The following PPIL4 variants were observed in gnomAD, a reference collection of about 807,000 sequenced individuals.
PPIL4 encodes the protein peptidylprolyl isomerase like 4, also known as peptidyl-prolyl cis-trans isomerase-like 4.
Under a neutral mutation model 69.1 loss-of-function variants are expected in PPIL4, and 50 were observed. That is an observed-to-expected ratio of 0.72 (90% CI 0.58 to 0.92). The LOEUF is 0.92. Ranked by LOEUF, PPIL4 falls within the 40% of genes least tolerant of loss-of-function variation. The pLI, the probability that PPIL4 is intolerant of heterozygous loss-of-function variation, is 0.00. For synonymous variants in PPIL4, 193 were observed against 191.6 expected (o/e 1.01, Z -0.06); for missense variants, 480 against 587.9 (o/e 0.82, Z 1.90).
chr6:149,526,906 G>A (rs1012685078), intron 7 of PPIL4, 130 bp from the exon 8 acceptor site: 2 of 889,212 alleles, frequency 2.2e-6, no homozygotes, highest in Non-Finnish European at 3.5e-6. Context: ...CTCTGGAAAA[G>A]AAATCCAAAT....
chr6:149,534,588 G>T, intron 6 of PPIL4, 90 bp downstream of exon 6: 1 of 686,834 alleles, frequency 1.5e-6, no homozygotes, highest in South Asian at 2.1e-5. Flanking sequence ...ATAATAATTC[G>T]GAAAAAATTA....
intron 1 of PPIL4, among the ~76,000 whole-genome samples, chr6:149,544,642 G>C (rs966307511): frequency 1.3e-5 from 2 of 152,210 alleles, no homozygotes; most frequent in African/African-American, 4.8e-5. Flanking sequence ...AGGAGGGAGA[G>C]CTTCAAAGAA....
chr6:149,517,226 CACAA>C, intron 11 of PPIL4, 124 bp downstream of exon 11: 1 of 626,980 alleles, frequency 1.6e-6, no homozygotes. Context: ...GTTACTTCCT[CACAA>C]ACAATCTGGA....
At chr6:149,510,980 G>A (rs1776833165) in intron 12 of PPIL4, among the ~76,000 whole-genome samples, 1 of 152,066 alleles carries the variant, frequency 6.6e-6, no homozygotes, top group Admixed American at 6.5e-5. Context: ...TGAAACTGTG[G>A]CTCAGAAAGT....
intron 6 of PPIL4, 29 bp downstream of exon 6, chr6:149,534,649 A>T: frequency 1.9e-6 from 2 of 1,075,874 alleles, no homozygotes; most frequent in African/African-American, 1.6e-5. Flanking sequence ...ATATGAATGT[A>T]CATTTAATCA....
At position 149,521,152 on chromosome 6, in the gene PPIL4, G is replaced by T; in HGVS notation, c.890C>A (p.Ala297Glu). Reference sequence around the variant, plus strand: ...AAGCACATTGTCCATTTTGAAGAATGCTTTCTCACAATCTTCTTCCTGATA... The same window carrying T: ...AAGCACATTGTCCATTTTGAAGAATTCTTTCTCACAATCTTCTTCCTGATA... ...EFEKEEDCEKAFFKMDNVLID... is the reference protein window; with the variant it reads ...EFEKEEDCEKEFFKMDNVLID... Residue 297 changes from alanine (A) to glutamate (E), a missense_variant, in exon 10 of 13, where the codon GCA (alanine) becomes GAA (glutamate). By Grantham distance (107) the Ala-to-Glu change is moderately radical. Coordinates refer to ENST00000253329, the MANE Select transcript of PPIL4 (RefSeq NM_139126.4). 1 of 1,579,830 alleles carries T rather than the reference G, an allele frequency of 6.3e-7. No individual in the cohort carries two copies.
intron 4 of PPIL4, among the ~76,000 whole-genome samples, chr6:149,538,751 T>C (rs957509971): frequency 6.6e-6 from 1 of 152,064 alleles, no homozygotes; most frequent in Non-Finnish European, 1.5e-5. Flanking sequence ...GAATTAGAAG[T>C]AGAGCCTGAA....
intron 1 of PPIL4, 75 bp downstream of exon 1, chr6:149,545,861 G>C (rs1777432528): frequency 1.5e-6 from 2 of 1,351,824 alleles, no homozygotes; most frequent in African/African-American, 1.4e-5. Context: ...CTCTGCCCTG[G>C]ACTGCGCAGA....
At chr6:149,509,492 A>G (rs1197416888) in intron 12 of PPIL4, among the ~76,000 whole-genome samples, 1 of 152,246 alleles carries the variant, frequency 6.6e-6, no homozygotes. Flanking sequence ...GAAAGAATTC[A>G]GAGTTTTTAG....
At position 149,526,547 on chromosome 6, in the gene PPIL4, C is replaced by T. The variant is rs1242153116; in HGVS notation, c.803+105G>A. The T allele has an allele frequency of 8.2e-6, 9 of 1,092,102 alleles. No homozygotes were observed. In the East Asian group the frequency reaches 1.4e-4, roughly 17 times the overall value. The allele number at this position is 1,092,102 out of a possible 1,614,324, so 67.7% of individuals were successfully genotyped here. A position where few individuals can be genotyped will look rare whatever the true frequency, so the allele number is the denominator to read the frequency against. The stretch of plus-strand genomic sequence containing the variant: ...ACTCACCTGTAAAAATTCACCAGTA[C>T]AAAATTCGCCTAGAATTCACAGAAT... On this transcript the variant is annotated intron_variant, in intron 8 of 12. Coordinates refer to ENST00000253329, the MANE Select transcript of PPIL4 (RefSeq NM_139126.4).
At chr6:149,533,870 A>T (rs1489263381) in intron 6 of PPIL4, among the ~76,000 whole-genome samples, 1 of 152,176 alleles carries the variant, frequency 6.6e-6, no homozygotes. Flanking sequence ...GTTAAAATCA[A>T]AATAGGCCAG....
At chr6:149,516,793 A>G (rs1051891593) in intron 11 of PPIL4, among the ~76,000 whole-genome samples, 2 of 152,196 alleles carry the variant, frequency 1.3e-5, no homozygotes, top group African/African-American at 2.4e-5. Flanking sequence ...TACTATACCG[A>G]AAGAAGTAAC....
chr6:149,534,999 T>C (rs1382967738), intron 5 of PPIL4, among the ~76,000 whole-genome samples: 1 of 152,230 alleles, frequency 6.6e-6, no homozygotes, highest in African/African-American at 2.4e-5. Context: ...TGTAAACTAA[T>C]ATAACTGTCT....
At chr6:149,507,384 G>A (rs1776784909) in intron 12 of PPIL4, among the ~76,000 whole-genome samples, 1 of 152,080 alleles carries the variant, frequency 6.6e-6, no homozygotes, top group Non-Finnish European at 1.5e-5. Context: ...GAGTCCCTGA[G>A]GTAGAAAAAA....
rs1777113889 is a variant in PPIL4, at chr6:149,526,747, T to C, written c.708A>G (p.Lys236=). The C allele has an allele frequency of 9.3e-6, 15 of 1,612,714 alleles. No individual in the cohort carries two copies. The highest frequency in any genetic ancestry group is 1.3e-5 in the Non-Finnish European group (15 of 1,179,306). The change falls in exon 8 of 13, where the codon AAA becomes AAG. Residue 236 remains lysine, a synonymous_variant. Coordinates refer to ENST00000253329, the MANE Select transcript of PPIL4 (RefSeq NM_139126.4). ...MVGDLPDADI[K]PPENVLFVCK... ...ACACAAACAGTACATTTTCTGGAGG[T>C]TTAATATCTGCATCAGGTAGGTCTC...
chr6:149,544,099 G>A (rs1435959985), intron 1 of PPIL4, among the ~76,000 whole-genome samples: 1 of 151,742 alleles, frequency 6.6e-6, no homozygotes, highest in African/African-American at 2.4e-5. Context: ...TTAATTGGGT[G>A]GGGTAGCTCT....
intron 7 of PPIL4, 126 bp from the exon 8 acceptor site, chr6:149,526,902 A>C (rs1777115898): frequency 2.3e-5 from 21 of 911,132 alleles, no homozygotes; most frequent in Non-Finnish European, 3.5e-5. Flanking sequence ...CAGGCTCTGG[A>C]AAAGAAATCC....
chr6:149,520,397 A>C (rs945430886), intron 10 of PPIL4, among the ~76,000 whole-genome samples: 2 of 152,168 alleles, frequency 1.3e-5, no homozygotes, highest in African/African-American at 4.8e-5. Context: ...AACTAAAACA[A>C]ACAAAAAAAA....
intron 11 of PPIL4, among the ~76,000 whole-genome samples, chr6:149,514,274 TC>T (rs1480965450): frequency 6.6e-6 from 1 of 152,166 alleles, no homozygotes; most frequent in African/African-American, 2.4e-5. Flanking sequence ...ATTCCATAGC[TC>T]CCACCTATGA....
Sources: gnomAD v4.1 joint callset for allele counts (sites outside exome capture counted in the v4.1 genomes callset) on GRCh38, gnomAD v4.1.1 for gene constraint, MANE v1.5 for transcripts, NCBI Gene and HGNC (gene_info 2026-07-23, HGNC 2026-07-21) for gene names.